KIAA0586: variants seen among roughly 807,000 people sequenced by gnomAD.
KIAA0586 encodes KIAA0586.
A neutral mutation model predicts 169.8 loss-of-function variants in KIAA0586; 144 were observed. The ratio of observed to expected loss-of-function variants is 0.85; its 90% CI spans 0.74 to 0.97. The LOEUF (loss-of-function observed/expected upper bound fraction) is 0.97, where lower values mean the gene tolerates loss of function less well. Among genes scored for constraint, KIAA0586 ranks in the 50% least tolerant of loss-of-function variants. KIAA0586 has a pLI of 0.00. For synonymous variants in KIAA0586, 625 were observed against 612.4 expected, an observed-to-expected ratio of 1.02 and a Z score of -0.30; for missense variants, 1,854 against 1,823.0, an observed-to-expected ratio of 1.02 and a Z score of -0.31.
In KIAA0586 at chr14:58,502,534, A is replaced by T. The variant is rs1486849321; in HGVS notation, c.4168+3574A>T. On this transcript the variant is annotated intron_variant, in intron 27 of 30. Coordinates refer to ENST00000652326, the MANE Select transcript of KIAA0586 (RefSeq NM_001329943.3). ...CAGACCAATCATGGAACAACTTAAG[A>T]GGTGACTTTTAAAAGGTGTAGATAC... Among the ~76,000 whole-genome samples the T allele has an allele frequency of 2.0e-5, 3 of 152,288 alleles. No individual in the cohort carries two copies. In the East Asian group the frequency reaches 5.8e-4, roughly 29 times the overall value.
chr14:58,473,706 G>A (rs1317911460), intron 18 of KIAA0586, among the ~76,000 whole-genome samples: 8 of 152,106 alleles, frequency 5.3e-5, no homozygotes, highest in Admixed American at 3.9e-4. Context: ...AGGAGTTCAG[G>A]ACCAGCCTGG....
chr14:58,445,887 A>G (rs1320667434), intron 6 of KIAA0586, among the ~76,000 whole-genome samples: 1 of 133,366 alleles, frequency 7.5e-6, no homozygotes, highest in African/African-American at 2.8e-5. Flanking sequence ...TATTTTTTTG[A>G]GACAGAGTTT....
At chr14:58,493,269 G>A (rs565375606) in intron 26 of KIAA0586, among the ~76,000 whole-genome samples, 1 of 152,292 alleles carries the variant, frequency 6.6e-6, no homozygotes, top group South Asian at 2.1e-4. Context: ...TACCTTAGGA[G>A]CTTGGATGGG....
chr14:58,522,848 T>G (rs1009970941), intron 29 of KIAA0586, among the ~76,000 whole-genome samples: 4 of 152,156 alleles, frequency 2.6e-5, no homozygotes, highest in Non-Finnish European at 5.9e-5. Context: ...TGCAGATTGT[T>G]TTTATGTATA....
chr14:58,503,729 C>G (rs974722704), intron 27 of KIAA0586, among the ~76,000 whole-genome samples: 6 of 146,564 alleles, frequency 4.1e-5, no homozygotes, highest in Admixed American at 2.1e-4. Context: ...AGTGACTCCT[C>G]AAAGATGAAT....
At chr14:58,433,787 A>G (rs962373567) in intron 4 of KIAA0586, among the ~76,000 whole-genome samples, 1 of 152,126 alleles carries the variant, frequency 6.6e-6, no homozygotes, top group Non-Finnish European at 1.5e-5. Flanking sequence ...AGTCCAAGAC[A>G]GGAGGATCAC....
At position 58,548,031 on chromosome 14, in the gene KIAA0586, A is replaced by G. The variant is rs1040326780; in HGVS notation, c.*99A>G. The G allele has an allele frequency of 1.5e-6, 2 of 1,355,792 alleles. No homozygotes were observed. The highest frequency in any genetic ancestry group is 2.0e-6 in the Non-Finnish European group (2 of 1,006,092). 84.0% of individuals were successfully genotyped at this position (1,355,792 alleles called of 1,614,324 possible). ...CTCAGACTGTTTGGTTTTTGAGCAT[A>G]TTCTGAAAAAAAAATTCCAATATTT... On this transcript the variant is annotated 3_prime_UTR_variant, in exon 31 of 31. Transcript: ENST00000652326.
intron 16 of KIAA0586, among the ~76,000 whole-genome samples, chr14:58,469,123 C>CGGT (rs2041004413): frequency 6.6e-6 from 1 of 152,180 alleles, no homozygotes; most frequent in Admixed American, 6.5e-5. Context: ...ACCCACCAGC[C>CGGT]TGAGAGATTC....
At chr14:58,521,771 G>A in intron 29 of KIAA0586, 1 of 802,242 alleles carries the variant, frequency 1.2e-6, no homozygotes, top group Non-Finnish European at 2.2e-6. Context: ...AGGATGATAA[G>A]TCGGAAGAGG....
Position 58,459,866 on chromosome 14 carries a change from T to C in KIAA0586, c.1680T>C (p.Tyr560=), listed in dbSNP as rs2140873663. 4 of 1,529,810 alleles carry C rather than the reference T, an allele frequency of 2.6e-6. No homozygotes were observed. The highest frequency in any genetic ancestry group is 1.4e-5 in the African/African-American group (1 of 72,830). The allele number at this position is 1,529,810 out of a possible 1,614,324, so 94.8% of individuals were successfully genotyped here. A position where few individuals can be genotyped will look rare whatever the true frequency, so the allele number is the denominator to read the frequency against. ...AGGATGAACTGTCAAGAACAGATTA[T>C]GAACAAAAAAGATTTGATCAGAAGA... The part of the protein sequence containing the change: ...EIQDELSRTD[Y]EQKRFDQKNQ... Residue 560 remains tyrosine, a synonymous_variant, in exon 13 of 31, where the codon TAT becomes TAC. Transcript: ENST00000652326.
At chr14:58,495,380 C>A (rs1037546816) in intron 26 of KIAA0586, among the ~76,000 whole-genome samples, 1 of 151,980 alleles carries the variant, frequency 6.6e-6, no homozygotes, top group African/African-American at 2.4e-5. Context: ...CAGCTCACTG[C>A]AGCCTCGAAC....
intron 27 of KIAA0586, among the ~76,000 whole-genome samples, chr14:58,506,052 C>G (rs986285293): frequency 5.3e-5 from 8 of 151,968 alleles, no homozygotes; most frequent in Non-Finnish European, 7.4e-5. Flanking sequence ...TAATAGAGTT[C>G]TTTTGTTTTC....
intron 21 of KIAA0586, 61 bp downstream of exon 21, chr14:58,482,773 A>AT: frequency 2.8e-6 from 3 of 1,087,992 alleles, no homozygotes; most frequent in Non-Finnish European, 3.9e-6. Context: ...TTTAAGCTGC[A>AT]TACCATAAGA....
chr14:58,521,783 G>A (rs756507569), intron 29 of KIAA0586: 52 of 803,754 alleles, frequency 6.5e-5, no homozygotes, highest in Non-Finnish European at 9.2e-5. Flanking sequence ...CGGAAGAGGA[G>A]CAGAGCAGTA....
the KIAA0586 span, among the ~76,000 whole-genome samples, chr14:58,560,415 A>G: frequency 6.6e-6 from 1 of 152,154 alleles, no homozygotes; most frequent in African/African-American, 2.4e-5. Flanking sequence ...CTTGTCTGAG[A>G]GCTGTGGAAA....
At position 58,493,709 on chromosome 14, in the gene KIAA0586, A is replaced by G. The variant is rs1466394058; in HGVS notation, c.3990+1434A>G. Reference sequence around the variant, plus strand: ...AAATTTTCTGCAACTTTAGTTAGCAATAGATCATTTCACTGGAAAAATCTT... The same window carrying G: ...AAATTTTCTGCAACTTTAGTTAGCAGTAGATCATTTCACTGGAAAAATCTT... On this transcript the variant is annotated intron_variant, in intron 26 of 30. Transcript: ENST00000652326. Among the ~76,000 whole-genome samples the G allele has an allele frequency of 2.6e-5, 4 of 152,266 alleles. No individual in the cohort carries two copies. In the South Asian group the frequency reaches 6.2e-4, roughly 24 times the overall value.
intron 30 of KIAA0586, among the ~76,000 whole-genome samples, chr14:58,541,652 A>G (rs1451931133): frequency 6.6e-6 from 1 of 152,212 alleles, no homozygotes; most frequent in Non-Finnish European, 1.5e-5. Context: ...TCTTTTACTT[A>G]GTTTTATAAA....
At position 58,548,032 on chromosome 14, in the gene KIAA0586, T is replaced by C. The variant is rs2047092168; in HGVS notation, c.*100T>C. The C allele has an allele frequency of 1.5e-6, 2 of 1,362,030 alleles. No individual in the cohort carries two copies. The highest frequency in any genetic ancestry group is 2.0e-6 in the Non-Finnish European group (2 of 1,012,538). 84.4% of individuals were successfully genotyped at this position (1,362,030 alleles called of 1,614,324 possible). Reference sequence around the variant, plus strand: ...TCAGACTGTTTGGTTTTTGAGCATATTCTGAAAAAAAAATTCCAATATTTT... The same window carrying C: ...TCAGACTGTTTGGTTTTTGAGCATACTCTGAAAAAAAAATTCCAATATTTT... On this transcript the variant is annotated 3_prime_UTR_variant, in exon 31 of 31. Coordinates refer to ENST00000652326, the MANE Select transcript of KIAA0586 (RefSeq NM_001329943.3).
Position 58,492,519 on chromosome 14 carries a change from A to G in KIAA0586, c.3990+244A>G, listed in dbSNP as rs144359127. Among the ~76,000 whole-genome samples, 265 of 152,334 alleles carry G rather than the reference A, an allele frequency of 1.7e-3. 1 individual carries two copies. Among genetic ancestry groups the G allele is most frequent in the Middle Eastern group, 6.8e-3 (2 of 294 alleles). ...AAGCTTTGTGAGGATTCATTATGCA[A>G]TTATTTATTAAGTATCCATTATATG... On this transcript the variant is annotated intron_variant, in intron 26 of 30. Coordinates refer to ENST00000652326, the MANE Select transcript of KIAA0586 (RefSeq NM_001329943.3).
Sources: gnomAD v4.1 joint callset for allele counts (sites outside exome capture counted in the v4.1 genomes callset) on GRCh38, gnomAD v4.1.1 for gene constraint, MANE v1.5 for transcripts, NCBI Gene and HGNC (gene_info 2026-07-23, HGNC 2026-07-21) for gene names.